Variants in SH3TC2 observed in about 807,000 individuals in gnomAD.
The protein encoded by SH3TC2 is SH3 domain and tetratricopeptide repeats 2.
A neutral mutation model predicts 124.5 loss-of-function variants in SH3TC2; 87 were observed. The observed-to-expected ratio is 0.70, with a 90% confidence interval of 0.59 to 0.84. The LOEUF (loss-of-function observed/expected upper bound fraction) is 0.84, where lower values mean the gene tolerates loss of function less well. SH3TC2 is among the 40% of genes least tolerant of loss of function. The probability of loss-of-function intolerance (pLI) is 0.00; values close to 1 mark genes in which losing one functional copy is unlikely to be tolerated. For missense variants in SH3TC2, 1,536 were observed against 1,566.4 expected (o/e 0.98, Z 0.33); for synonymous variants, 634 against 628.5 (o/e 1.01, Z -0.13).
At chr5:149,032,084 T>A (rs1386915351) in intron 8 of SH3TC2, among the ~76,000 whole-genome samples, 1 of 152,160 alleles carries the variant, frequency 6.6e-6, no homozygotes, top group Non-Finnish European at 1.5e-5. Context: ...AAAGGGACCA[T>A]TAAAAATTTT....
At chr5:149,062,400 G>A in intron 1 of SH3TC2, 1 of 532,324 alleles carries the variant, frequency 1.9e-6, no homozygotes, top group Non-Finnish European at 3.9e-6. Context: ...CATAATGGCT[G>A]GTCACCCTAA....
chr5:149,005,355 C>T (rs1410912496), intron 16 of SH3TC2, among the ~76,000 whole-genome samples: 1 of 152,146 alleles, frequency 6.6e-6, no homozygotes, highest in Non-Finnish European at 1.5e-5. Flanking sequence ...AAAGTAGAAA[C>T]ATACAGAGTC....
chr5:149,034,866 ATAGT>A (rs757146203), intron 8 of SH3TC2, among the ~76,000 whole-genome samples: 6 of 152,216 alleles, frequency 3.9e-5, no homozygotes, highest in South Asian at 2.1e-4. Context: ...TTGCAATTTT[ATAGT>A]TAAAGTTATT....
intron 7 of SH3TC2, among the ~76,000 whole-genome samples, chr5:149,040,079 C>T (rs1157952850): frequency 1.3e-5 from 2 of 152,180 alleles, no homozygotes; most frequent in African/African-American, 2.4e-5. Context: ...TGTATACACA[C>T]ATACAGATTA....
chr5:149,019,643 C>A (rs1753934896), intron 12 of SH3TC2, among the ~76,000 whole-genome samples: 1 of 152,064 alleles, frequency 6.6e-6, no homozygotes, highest in Admixed American at 6.5e-5. Flanking sequence ...TGAAAACAGG[C>A]AAAAATTATC....
At chr5:149,044,152 T>C (rs1001201864) in intron 4 of SH3TC2, 1 of 232,338 alleles carries the variant, frequency 4.3e-6, no homozygotes, top group African/African-American at 2.3e-5. Flanking sequence ...ATTGACTATG[T>C]TGAGCAGCTA....
At chr5:149,012,846 A>T in intron 12 of SH3TC2, 112 bp from the exon 13 acceptor site, 13 of 1,220,364 alleles carry the variant, frequency 1.1e-5, no homozygotes, top group Non-Finnish European at 1.5e-5. Context: ...CCCACATCAC[A>T]CAGGGAGGTG....
At chr5:149,008,406 C>A in intron 15 of SH3TC2, 1 of 225,772 alleles carries the variant, frequency 4.4e-6, no homozygotes, top group Non-Finnish European at 8.9e-6. Context: ...TGGGAAAATG[C>A]ACTTTTAACT....
intron 9 of SH3TC2, among the ~76,000 whole-genome samples, chr5:149,031,181 A>G (rs1754185721): frequency 6.6e-6 from 1 of 152,146 alleles, no homozygotes; most frequent in Non-Finnish European, 1.5e-5. Flanking sequence ...AGGCCTTTTC[A>G]CAGCGGTAAC....
chr5:149,042,977 A>T, intron 4 of SH3TC2, 140 bp from the exon 5 acceptor site: 1 of 952,740 alleles, frequency 1.0e-6, no homozygotes, highest in Non-Finnish European at 1.6e-6. Flanking sequence ...AATTAAAACA[A>T]CATAAGAGGC....
Position 149,010,400 on chromosome 5 carries a change from G to A in SH3TC2, c.3205-8C>T. 1 of 1,613,720 alleles carries A rather than the reference G, an allele frequency of 6.2e-7. No homozygotes were observed. The highest frequency in any genetic ancestry group is 8.5e-7 in the Non-Finnish European group (1 of 1,180,014). ...GGCTGTCTGGATGGCTGCCTAGGTGGGACAGAGACAGCTGTTAAAGGCAGA... is the reference window on the plus strand; with the variant it reads ...GGCTGTCTGGATGGCTGCCTAGGTGAGACAGAGACAGCTGTTAAAGGCAGA... On this transcript the variant is annotated splice_region_variant and splice_polypyrimidine_tract_variant and intron_variant, in intron 13 of 16. Transcript: ENST00000515425.
intron 1 of SH3TC2, among the ~76,000 whole-genome samples, chr5:149,061,359 G>A (rs1027151870): frequency 6.6e-6 from 1 of 152,132 alleles, no homozygotes; most frequent in Non-Finnish European, 1.5e-5. Flanking sequence ...AGCTCTCTGA[G>A]GCACCTCTAC....
At position 149,041,538 on chromosome 5, in the gene SH3TC2, A is replaced by T. The variant is rs1754371704; in HGVS notation, c.609T>A (p.Asn203Lys). 6.2e-7 allele frequency: 1 copy of T among 1,614,208 alleles called. No individual in the cohort carries two copies. Among genetic ancestry groups the T allele is most frequent in the East Asian group, 2.2e-5 (1 of 44,880 alleles). Residue 203 changes from asparagine (N) to lysine (K), a missense_variant, in exon 6 of 17, where the codon AAT (asparagine) becomes AAA (lysine). Physicochemically the swap from Asn to Lys is moderately conservative, Grantham distance 94. Transcript: ENST00000515425. ...CTGCCATCTTCACTGAGATTAACTC[A>T]TTCTTGCAAAGTGTCAAGCATTCCC... Reference protein sequence around the residue: ...KEGECLTLCKNELISVKMAEA... With the variant: ...KEGECLTLCKKELISVKMAEA...
rs1396169023 is a variant in SH3TC2, at chr5:148,989,518, G to A, written c.*15193C>T. ...TTTGGCAGGAGCTATACCTTGGTCAGCAGAACTGTGTACCTTGGAAAATCA... is the reference window on the plus strand; with the variant it reads ...TTTGGCAGGAGCTATACCTTGGTCAACAGAACTGTGTACCTTGGAAAATCA... On this transcript the variant is annotated 3_prime_UTR_variant, in exon 17 of 17. Coordinates refer to ENST00000515425, the MANE Select transcript of SH3TC2 (RefSeq NM_024577.4). 6.6e-6 allele frequency among the ~76,000 whole-genome samples: 1 copy of A among 152,200 alleles called. No homozygotes were observed. Among genetic ancestry groups the A allele is most frequent in the Non-Finnish European group, 1.5e-5 (1 of 68,046 alleles).
At chr5:149,036,658 T>C (rs1216075262) in intron 8 of SH3TC2, among the ~76,000 whole-genome samples, 1 of 152,214 alleles carries the variant, frequency 6.6e-6, no homozygotes, top group Admixed American at 6.5e-5. Context: ...CCTTCATCCC[T>C]GGGGTCCTCT....
rs758751661 is a variant in SH3TC2 at position 149,004,670 on chromosome 5, A to G, written c.*41T>C. ...TAAGAGCCTAGGGCAGTGGGGTCAG[A>G]GTCTGGCCATGCCAAATGTCCAGAG... On this transcript the variant is annotated 3_prime_UTR_variant, in exon 17 of 17. Transcript: ENST00000515425. 5 of 1,607,016 alleles carry G rather than the reference A, an allele frequency of 3.1e-6. No homozygotes were observed. The highest frequency in any genetic ancestry group is 4.3e-6 in the Non-Finnish European group (5 of 1,176,468).
rs1219611610 is a variant in SH3TC2, at chr5:149,027,863, C to T, written c.1869G>A (p.Gly623=). The change falls in exon 11 of 17, where the codon GGG becomes GGA. Residue 623 remains glycine, a synonymous_variant. Coordinates refer to ENST00000515425, the MANE Select transcript of SH3TC2 (RefSeq NM_024577.4). ...CCAGCGGGCTGCTGCCCACCACAAT[C>T]CCCTGGCGCAGCACGTAGGCCACCA... The part of the protein sequence containing the change: ...LDVVAYVLRQ[G]IVVGSSPLEA... 1 of 1,613,904 alleles carries T rather than the reference C, an allele frequency of 6.2e-7. No homozygotes were observed. The highest frequency in any genetic ancestry group is 1.7e-5 in the Admixed American group (1 of 60,030).
At chr5:149,008,683 G>T in intron 15 of SH3TC2, 168 bp downstream of exon 15, 1 of 876,128 alleles carries the variant, frequency 1.1e-6, no homozygotes, top group Non-Finnish European at 1.9e-6. Context: ...ACAAGCTTGA[G>T]GCTTATAGAA....
chr5:149,004,586 C>A lies in SH3TC2; in HGVS notation c.*125G>T. ...CCTTCTCCTCCTGGACTTCATTCTT[C>A]TTCTTGTGAAATGAGGGGGCTAGGC... On this transcript the variant is annotated 3_prime_UTR_variant, in exon 17 of 17. Coordinates refer to ENST00000515425, the MANE Select transcript of SH3TC2 (RefSeq NM_024577.4). 3 of 999,114 alleles carry A rather than the reference C, an allele frequency of 3.0e-6. No homozygotes were observed. The highest frequency in any genetic ancestry group is 4.4e-6 in the Non-Finnish European group (3 of 683,990). The allele number at this position is 999,114 out of a possible 1,614,324, so 61.9% of individuals were successfully genotyped here. A position where few individuals can be genotyped will look rare whatever the true frequency, so the allele number is the denominator to read the frequency against.
Sources: gnomAD v4.1 joint callset for allele counts (sites outside exome capture counted in the v4.1 genomes callset) on GRCh38, gnomAD v4.1.1 for gene constraint, MANE v1.5 for transcripts, NCBI Gene and HGNC (gene_info 2026-07-23, HGNC 2026-07-21) for gene names.